Variants in GXYLT1 observed in about 807,000 individuals in gnomAD.
GXYLT1 encodes the protein glycosyltransferase 8 domain containing 3.
Under a neutral mutation model 54.0 loss-of-function variants are expected in GXYLT1, and 29 were observed. The observed-to-expected ratio is 0.54, with a 90% confidence interval of 0.40 to 0.73. GXYLT1 has a LOEUF of 0.73. GXYLT1 is among the 30% of genes least tolerant of loss of function. The probability of loss-of-function intolerance (pLI) is 0.00; values close to 1 mark genes in which losing one functional copy is unlikely to be tolerated. For synonymous variants in GXYLT1, 176 were observed against 204.1 expected (o/e 0.86, Z 1.17); for missense variants, 490 against 553.4 (o/e 0.89, Z 1.15).
At chr12:42,099,982 T>C (rs1460221288) in intron 5 of GXYLT1, among the ~76,000 whole-genome samples, 1 of 152,226 alleles carries the variant, frequency 6.6e-6, no homozygotes, top group Non-Finnish European at 1.5e-5. Context: ...TAATAATCTA[T>C]CAATTTATAT....
chr12:42,119,218 T>G, intron 2 of GXYLT1, 47 bp from the exon 3 acceptor site: 1 of 1,397,132 alleles, frequency 7.2e-7, no homozygotes, highest in Non-Finnish European at 9.9e-7. Flanking sequence ...AGTATATGTT[T>G]ACAATGTGTA....
intron 5 of GXYLT1, among the ~76,000 whole-genome samples, chr12:42,103,843 C>T (rs2065403826): frequency 6.6e-6 from 1 of 151,042 alleles, no homozygotes; most frequent in African/African-American, 2.4e-5. Context: ...TTCCAACTCC[C>T]ATAACTACAC....
At chr12:42,115,493 AC>A (rs1033267877) in intron 3 of GXYLT1, among the ~76,000 whole-genome samples, 1 of 152,170 alleles carries the variant, frequency 6.6e-6, no homozygotes, top group Non-Finnish European at 1.5e-5. Flanking sequence ...ATAACAGACA[AC>A]TAGAGAGCCA....
intron 1 of GXYLT1, among the ~76,000 whole-genome samples, chr12:42,132,128 A>C (rs1250720616): frequency 1.3e-5 from 2 of 152,194 alleles, no homozygotes; most frequent in African/African-American, 4.8e-5. Flanking sequence ...TTAAGTTACA[A>C]AACAAATCAG....
chr12:42,106,652 C>T (rs978782849), intron 4 of GXYLT1, among the ~76,000 whole-genome samples: 2 of 151,842 alleles, frequency 1.3e-5, no homozygotes, highest in African/African-American at 4.8e-5. Flanking sequence ...AGGGTAAAGC[C>T]AGAAAGACTG....
At position 42,109,609 on chromosome 12, in the gene GXYLT1, T is replaced by C. The variant is rs1305351786; in HGVS notation, c.569A>G (p.Lys190Arg). The C allele has an allele frequency of 1.3e-6, 2 of 1,599,494 alleles. No individual in the cohort carries two copies. Among genetic ancestry groups the C allele is most frequent in the South Asian group, 1.1e-5 (1 of 87,732 alleles). The change falls in exon 4 of 8, where the codon AAA becomes AGA. Residue 190 changes from lysine (K) to arginine (R), a missense_variant. Physicochemically the swap from Lys to Arg is conservative, Grantham distance 26. Around this residue, in one of 2 missense-constraint regions of GXYLT1, gnomAD observed 342 missense variants for 342.6 expected, o/e 1.00. Coordinates refer to ENST00000398675, the MANE Select transcript of GXYLT1 (RefSeq NM_173601.2). Reference sequence around the variant, plus strand: ...CGAAGCACATGGTTTAAAGAGTTTTTTCCACTCTGCTGCATTCTCACTTGG... The same window carrying C: ...CGAAGCACATGGTTTAAAGAGTTTTCTCCACTCTGCTGCATTCTCACTTGG... ...TFPSENAAEW[K>R]KLFKPCASQR...
At chr12:42,115,114 A>G (rs1312647468) in intron 3 of GXYLT1, among the ~76,000 whole-genome samples, 2 of 152,244 alleles carry the variant, frequency 1.3e-5, no homozygotes, top group Non-Finnish European at 2.9e-5. Context: ...TAAATTAGGT[A>G]TTGATGGGAC....
chr12:42,116,737 A>G (rs2136903023), intron 3 of GXYLT1, among the ~76,000 whole-genome samples: 1 of 152,352 alleles, frequency 6.6e-6, no homozygotes, highest in East Asian at 1.9e-4. Flanking sequence ...TCAGGGATCT[A>G]GAACTAGAAA....
Position 42,084,019 on chromosome 12 carries a change from T to A in GXYLT1, c.*3767A>T, listed in dbSNP as rs577569349. 1 of 151,654 alleles carries A rather than the reference T, an allele frequency of 6.6e-6. No homozygotes were observed. Among genetic ancestry groups the A allele is most frequent in the African/African-American group, 2.4e-5 (1 of 41,302 alleles). 9.4% of individuals were successfully genotyped at this position (151,654 alleles called of 1,614,324 possible). A position where few individuals can be genotyped will look rare whatever the true frequency, so the allele number is the denominator to read the frequency against. On this transcript the variant is annotated 3_prime_UTR_variant, in exon 8 of 8. Coordinates refer to ENST00000398675, the MANE Select transcript of GXYLT1 (RefSeq NM_173601.2). ...AAAATGTTGAATTGGCACTAAATGATCAGTGAGTAGGGTGATTGGGAAACA... is the reference window on the plus strand; with the variant it reads ...AAAATGTTGAATTGGCACTAAATGAACAGTGAGTAGGGTGATTGGGAAACA...
chr12:42,137,762 G>GGAAAAAAAAA (rs373214719), intron 1 of GXYLT1, among the ~76,000 whole-genome samples: 1 of 107,180 alleles, frequency 9.3e-6, no homozygotes. Context: ...ATCTCAAATT[G>GGAAAAAAAAA]AAAAAAAAAA....
chr12:42,124,365 G>A (rs961254990), intron 2 of GXYLT1, among the ~76,000 whole-genome samples: 2 of 151,880 alleles, frequency 1.3e-5, no homozygotes, highest in South Asian at 4.2e-4. Flanking sequence ...TTTAGAGTTT[G>A]TATAATGAAA....
chr12:42,117,502 C>T (rs74078165), intron 3 of GXYLT1, among the ~76,000 whole-genome samples: 3,661 of 151,838 alleles, frequency 0.024, 144 homozygotes, highest in African/African-American at 0.084. Flanking sequence ...TATTTTTGCA[C>T]TTGACATGCA....
intron 1 of GXYLT1, among the ~76,000 whole-genome samples, chr12:42,143,267 T>A (rs2065661825): frequency 6.6e-6 from 1 of 152,204 alleles, no homozygotes; most frequent in Non-Finnish European, 1.5e-5. Flanking sequence ...CCATAAACAG[T>A]TTAGCTTCAA....
chr12:42,111,357 G>C (rs963841734), intron 3 of GXYLT1, among the ~76,000 whole-genome samples: 1 of 152,230 alleles, frequency 6.6e-6, no homozygotes, highest in African/African-American at 2.4e-5. Context: ...AAGAGCAAGG[G>C]GTCAGGGAAT....
chr12:42,137,762 G>GGAA (rs373214719), intron 1 of GXYLT1, among the ~76,000 whole-genome samples: 19 of 107,186 alleles, frequency 1.8e-4, no homozygotes, highest in Non-Finnish European at 2.8e-4. Flanking sequence ...ATCTCAAATT[G>GGAA]AAAAAAAAAA....
Position 42,144,850 on chromosome 12 carries a change from G to T in GXYLT1, c.-204C>A, listed in dbSNP as rs934456002. 5 of 347,152 alleles carry T rather than the reference G, an allele frequency of 1.4e-5. No homozygotes were observed. The highest frequency in any genetic ancestry group is 2.2e-5 in the African/African-American group (1 of 46,038). 21.5% of individuals were successfully genotyped at this position (347,152 alleles called of 1,614,324 possible). On this transcript the variant is annotated 5_prime_UTR_variant, in exon 1 of 8. Transcript: ENST00000398675. ...CGGCTCCGGAGCCGAAGGACTACCCGCCCGGAAGCCTGGACACCGCCTCTG... is the reference window on the plus strand; with the variant it reads ...CGGCTCCGGAGCCGAAGGACTACCCTCCCGGAAGCCTGGACACCGCCTCTG...
chr12:42,091,930 G>A (rs907135563), intron 7 of GXYLT1, among the ~76,000 whole-genome samples: 6 of 152,096 alleles, frequency 3.9e-5, no homozygotes, highest in South Asian at 2.1e-4. Flanking sequence ...TGACCTCTCC[G>A]TGGATCTTTT....
intron 1 of GXYLT1, among the ~76,000 whole-genome samples, chr12:42,138,283 A>C (rs2065632359): frequency 1.3e-5 from 2 of 151,838 alleles, no homozygotes; most frequent in South Asian, 4.2e-4. Context: ...ACTGCGTCTC[A>C]AATAAATAAA....
chr12:42,129,921 C>A, intron 1 of GXYLT1, 70 bp from the exon 2 acceptor site: 1 of 888,244 alleles, frequency 1.1e-6, no homozygotes, highest in Non-Finnish European at 1.9e-6. Flanking sequence ...GGAATTTACT[C>A]AGTAACACGA....
Sources: allele counts gnomAD v4.1 joint callset (sites outside exome capture counted in the v4.1 genomes callset), GRCh38; gene constraint gnomAD v4.1.1; regional missense constraint gnomAD v4.1.1; transcripts MANE v1.5; gene names NCBI Gene and HGNC (gene_info 2026-07-23, HGNC 2026-07-21).